Variants in TJP1 observed in about 807,000 individuals in gnomAD.
TJP1 encodes tight junction protein ZO-1.
In TJP1, 43 loss-of-function variants were observed where a neutral mutation model predicts 194.2. The ratio of observed to expected loss-of-function variants is 0.22; its 90% CI spans 0.17 to 0.29. The LOEUF (loss-of-function observed/expected upper bound fraction) is 0.29. Ranked by LOEUF, TJP1 falls within the 10% of genes least tolerant of loss-of-function variation. The pLI is 1.00. For missense variants in TJP1, 1,971 were observed against 2,185.7 expected (o/e 0.90, Z 1.96); for synonymous variants, 801 against 779.0 (o/e 1.03, Z -0.47).
At chr15:29,859,774 T>C (rs2052003115) in intron 2 of TJP1, among the ~76,000 whole-genome samples, 1 of 152,182 alleles carries the variant, frequency 6.6e-6, no homozygotes, top group African/African-American at 2.4e-5. Flanking sequence ...TTGTTCTTGC[T>C]CTCTAGAGAA....
chr15:29,741,403 G>A lies in TJP1; in HGVS notation c.1184C>T (p.Pro395Leu). The A allele has an allele frequency of 1.1e-5, 18 of 1,605,022 alleles. No homozygotes were observed. Among genetic ancestry groups the A allele is most frequent in the Non-Finnish European group, 1.5e-5 (18 of 1,177,206 alleles). ...TGGACTGACAGGTAAATCCACATCTGGTTGCCCAACTTGGGCATACACAGG... is the reference window on the plus strand; with the variant it reads ...TGGACTGACAGGTAAATCCACATCTAGTTGCCCAACTTGGGCATACACAGG... ...PKPVYAQVGQ[P>L]DVDLPVSPSD... Residue 395 changes from proline to leucine, a missense_variant, in exon 10 of 28, where the codon CCA becomes CTA. Pro to Leu is a moderately conservative substitution (Grantham distance 98). Transcript: ENST00000614355.
upstream of TJP1, among the ~76,000 whole-genome samples, chr15:29,825,175 A>G (rs2050639814): frequency 6.6e-6 from 1 of 152,222 alleles, no homozygotes; most frequent in South Asian, 2.1e-4. Context: ...ACAAGTGGAA[A>G]GTATAAAGAA....
At chr15:29,961,791 G>A (rs1365260175) in intron 1 of TJP1, among the ~76,000 whole-genome samples, 2 of 152,120 alleles carry the variant, frequency 1.3e-5, no homozygotes, top group Non-Finnish European at 2.9e-5. Flanking sequence ...CATAGCTCCC[G>A]AGGTAAGAGA....
chr15:29,780,427 G>A (rs879651159), intron 2 of TJP1, among the ~76,000 whole-genome samples: 1 of 152,076 alleles, frequency 6.6e-6, no homozygotes, highest in Non-Finnish European at 1.5e-5. Flanking sequence ...GCCGCCACAG[G>A]AGGCAGCGCT....
upstream of TJP1, among the ~76,000 whole-genome samples, chr15:29,825,892 G>A (rs2050660239): frequency 6.6e-6 from 1 of 152,126 alleles, no homozygotes; most frequent in Non-Finnish European, 1.5e-5. Context: ...ATGTAACAAT[G>A]TTAAATGGGG....
chr15:29,939,557 C>A (rs554654306), intron 2 of TJP1, among the ~76,000 whole-genome samples: 21 of 152,188 alleles, frequency 1.4e-4, no homozygotes, highest in Non-Finnish European at 2.2e-4. Context: ...TGAAAGCTGG[C>A]AGCAATGCTG....
chr15:29,925,713 A>G (rs1413117698), intron 2 of TJP1, among the ~76,000 whole-genome samples: 1 of 152,198 alleles, frequency 6.6e-6, no homozygotes, highest in Non-Finnish European at 1.5e-5. Flanking sequence ...ATTCTCCTTC[A>G]GCTCTTCTGA....
chr15:29,779,934 C>A (rs1279239590), intron 2 of TJP1, among the ~76,000 whole-genome samples: 2 of 149,640 alleles, frequency 1.3e-5, no homozygotes, highest in Non-Finnish European at 3.0e-5. Context: ...TGAACGAAGC[C>A]ATATTCTAAA....
intron 1 of TJP1, among the ~76,000 whole-genome samples, chr15:29,961,209 T>C (rs903435356): frequency 3.3e-5 from 5 of 152,112 alleles, no homozygotes; most frequent in African/African-American, 1.2e-4. Flanking sequence ...GCTGAGTAAC[T>C]CAGACTTCAG....
chr15:29,917,260 G>A (rs1390657138), intron 2 of TJP1, among the ~76,000 whole-genome samples: 4 of 152,126 alleles, frequency 2.6e-5, no homozygotes, highest in South Asian at 2.1e-4. Context: ...AAACTGAATC[G>A]CTAGCTGAAA....
rs79057669 is a variant in TJP1 at position 29,849,986 on chromosome 15, T to A, written c.307-49284A>T. Among the ~76,000 whole-genome samples, 1,441 of 152,168 alleles carry A rather than the reference T, an allele frequency of 9.5e-3. 31 individuals carry two copies. The highest frequency in any genetic ancestry group is 0.033 in the African/African-American group (1,389 of 41,524). On this transcript the variant is annotated intron_variant, in intron 2 of 28. Coordinates refer to the TJP1 transcript ENST00000356107. ...TTGTTCTCTCTTGGATCACTCGCTCTGGGGAAAGCCAGATGCTCTGTCATG... is the reference window on the plus strand; with the variant it reads ...TTGTTCTCTCTTGGATCACTCGCTCAGGGGAAAGCCAGATGCTCTGTCATG...
At chr15:29,743,658 T>TG (rs902468706) in intron 8 of TJP1, among the ~76,000 whole-genome samples, 1 of 152,070 alleles carries the variant, frequency 6.6e-6, no homozygotes, top group African/African-American at 2.4e-5. Flanking sequence ...GCCGAGGAGT[T>TG]GGAGGCTGAA....
chr15:29,960,927 T>C (rs975660578), intron 1 of TJP1, among the ~76,000 whole-genome samples: 10 of 152,188 alleles, frequency 6.6e-5, no homozygotes, highest in African/African-American at 2.2e-4. Context: ...ATATTAACTC[T>C]GGTGTAAGTA....
chr15:29,767,987 C>A lies in TJP1; in HGVS notation c.313-1445G>T, dbSNP rs540757451. Among the ~76,000 whole-genome samples, 3 of 152,280 alleles carry A rather than the reference C, an allele frequency of 2.0e-5. No individual in the cohort carries two copies. The South Asian group carries it at 6.2e-4, about 32-fold the overall frequency. On this transcript the variant is annotated intron_variant, in intron 4 of 27. Transcript: ENST00000614355. ...TTATTTACCTAAAATCTGTCCTCTA[C>A]CTACTAAGCTCCCCCAATTAATCTT...
intron 2 of TJP1, among the ~76,000 whole-genome samples, chr15:29,936,270 CAT>C (rs760909013): frequency 2.0e-5 from 3 of 152,128 alleles, no homozygotes; most frequent in Non-Finnish European, 2.9e-5. Context: ...AAAAATGGCA[CAT>C]GTTAAAAATT....
rs753634874 is a variant in TJP1 at position 29,720,656 on chromosome 15, T to C, written c.2465A>G (p.Tyr822Cys). 4 of 1,613,034 alleles carry C rather than the reference T, an allele frequency of 2.5e-6. No homozygotes were observed. Among genetic ancestry groups the C allele is most frequent in the East Asian group, 2.2e-5 (1 of 44,844 alleles). Reference protein sequence around the residue: ...DLDLHDDRLSYLSAPGSEYSM... With the variant: ...DLDLHDDRLSCLSAPGSEYSM... ...GTATTCACTACCTGGAGCTGACAGG[T>C]AGGACAGACGATCATCATGCAAATC... The change falls in exon 19 of 28, where the codon TAC becomes TGC. Residue 822 changes from tyrosine (Y) to cysteine (C), a missense_variant. Around this residue, in one of 5 missense-constraint regions of TJP1, gnomAD observed 402 missense variants for 484.2 expected, o/e 0.83. Transcript: ENST00000614355.
intron 23 of TJP1, among the ~76,000 whole-genome samples, chr15:29,711,874 C>T (rs1414619370): frequency 1.3e-5 from 2 of 152,146 alleles, no homozygotes; most frequent in African/African-American, 2.4e-5. Flanking sequence ...GGCATATCTG[C>T]GTTTCAGTAA....
At chr15:29,871,222 C>T (rs997275609) in intron 2 of TJP1, among the ~76,000 whole-genome samples, 4 of 152,170 alleles carry the variant, frequency 2.6e-5, no homozygotes, top group South Asian at 2.1e-4. Flanking sequence ...GTCCTAAAAA[C>T]GTATGCAAAG....
At chr15:29,787,542 C>A (rs973872099) in intron 2 of TJP1, among the ~76,000 whole-genome samples, 4 of 152,180 alleles carry the variant, frequency 2.6e-5, no homozygotes, top group African/African-American at 9.7e-5. Context: ...TCATCAACCA[C>A]TAATATAACT....
Sources: gnomAD v4.1 joint callset for allele counts (sites outside exome capture counted in the v4.1 genomes callset) on GRCh38, gnomAD v4.1.1 for gene constraint, gnomAD v4.1.1 regional missense constraint, MANE v1.5 for transcripts, NCBI Gene and HGNC (gene_info 2026-07-23, HGNC 2026-07-21) for gene names.